The following ENOSF1 variants were observed in gnomAD, a reference collection of about 807,000 sequenced individuals.
The protein encoded by ENOSF1 is mitochondrial enolase superfamily member 1.
Under a neutral mutation model 68.2 loss-of-function variants are expected in ENOSF1, and 73 were observed. The observed-to-expected ratio is 1.07, with a 90% CI of 0.89 to 1.30. ENOSF1 has a LOEUF of 1.30. ENOSF1 is among the 50% of genes most tolerant of loss of function. The pLI, the probability that ENOSF1 is intolerant of heterozygous loss-of-function variation, is 0.00. For synonymous variants in ENOSF1, 223 were observed against 210.4 expected (o/e 1.06, Z -0.52); for missense variants, 589 against 554.5 (o/e 1.06, Z -0.62).
intron 1 of ENOSF1, among the ~76,000 whole-genome samples, chr18:709,441 TCA>T (rs1489823058): frequency 6.6e-6 from 1 of 151,874 alleles, no homozygotes; most frequent in Non-Finnish European, 1.5e-5. Flanking sequence ...CAAGGGCAAT[TCA>T]CAGAGAAGAA....
At chr18:690,712 C>CCCTGGAGAGTCCAGCTGTTTCA in intron 7 of ENOSF1, 81 bp from the exon 8 acceptor site, 2 of 1,588,108 alleles carry the variant, frequency 1.3e-6, no homozygotes, top group East Asian at 2.3e-5. Flanking sequence ...AAGCTGTTTC[C>CCCTGGAGAGTCCAGCTGTTTCA]CCTGGAGAGT....
intron 14 of ENOSF1, among the ~76,000 whole-genome samples, chr18:675,913 T>C (rs2075465260): frequency 6.6e-6 from 1 of 152,110 alleles, no homozygotes; most frequent in Admixed American, 6.5e-5. Flanking sequence ...CGGTACACTT[T>C]GTACCTGGAA....
At chr18:708,753 G>GGTAGCA (rs2079200348) in intron 1 of ENOSF1, among the ~76,000 whole-genome samples, 1 of 152,110 alleles carries the variant, frequency 6.6e-6, no homozygotes, top group South Asian at 2.1e-4. Flanking sequence ...TCTCAGGCAA[G>GGTAGCA]GTAGCAGCAG....
chr18:670,889 G>A lies in ENOSF1; in HGVS notation c.*3416C>T, dbSNP rs371259645. 138 of 1,612,696 alleles carry A rather than the reference G, an allele frequency of 8.6e-5. No individual in the cohort carries two copies. In the African/African-American group the frequency reaches 1.7e-3, roughly 19 times the overall value. ...GAAGGTGGGCTGTCTCGGGAAGGGTGACTTGCCAGCCTACCACACTGAGCT... is the reference window on the plus strand; with the variant it reads ...GAAGGTGGGCTGTCTCGGGAAGGGTAACTTGCCAGCCTACCACACTGAGCT... On this transcript the variant is annotated 3_prime_UTR_variant, in exon 16 of 16. Coordinates refer to ENST00000647584, the MANE Select transcript of ENOSF1 (RefSeq NM_017512.7).
At chr18:684,046 T>G (rs1178326667) in intron 10 of ENOSF1, among the ~76,000 whole-genome samples, 1 of 151,154 alleles carries the variant, frequency 6.6e-6, no homozygotes, top group Non-Finnish European at 1.5e-5. Context: ...AAGGCTGGAG[T>G]GCAGTGGCGC....
chr18:707,058 A>T (rs2079023468), intron 1 of ENOSF1, among the ~76,000 whole-genome samples: 1 of 152,100 alleles, frequency 6.6e-6, no homozygotes. Flanking sequence ...ACCTCAGGTG[A>T]TCCACCTGCC....
At chr18:696,559 G>A (rs760989433) in intron 3 of ENOSF1, among the ~76,000 whole-genome samples, 5 of 152,068 alleles carry the variant, frequency 3.3e-5, no homozygotes, top group Non-Finnish European at 7.4e-5. Context: ...TCTCCATAAA[G>A]AGATTGCCCA....
rs554550438 is a variant in ENOSF1 at position 692,757 on chromosome 18, G to A, written c.423+1125C>T. On this transcript the variant is annotated intron_variant, in intron 5 of 15. Coordinates refer to ENST00000647584, the MANE Select transcript of ENOSF1 (RefSeq NM_017512.7). Reference sequence around the variant, plus strand: ...TTTGGTGGCTACCTCCTCCATCCCCGTAAAACGCCAACCTTGAATCTAGAA... The same window carrying A: ...TTTGGTGGCTACCTCCTCCATCCCCATAAAACGCCAACCTTGAATCTAGAA... 2.5e-5 allele frequency: 25 copies of A among 996,210 alleles called. No individual in the cohort carries two copies. The East Asian group carries it at 5.3e-4, about 21-fold the overall frequency. The allele number at this position is 996,210 out of a possible 1,614,324, so 61.7% of individuals were successfully genotyped here.
At chr18:670,144 A>T (rs994722042), downstream of ENOSF1, among the ~76,000 whole-genome samples, 5 of 151,460 alleles carry the variant, frequency 3.3e-5, no homozygotes, top group African/African-American at 1.2e-4. Flanking sequence ...CCCAGGTTCA[A>T]GTGAGTTCCC....
intron 9 of ENOSF1, chr18:687,692 G>A (rs2076742958): frequency 2.0e-5 from 3 of 152,388 alleles, no homozygotes; most frequent in Admixed American, 2.0e-4. Context: ...AAGGTCTTAG[G>A]ATGGCCAGAG....
At position 694,183 on chromosome 18, in the gene ENOSF1, T is replaced by C. The variant is rs1026558217; in HGVS notation, c.396+65A>G. 6 of 1,476,300 alleles carry C rather than the reference T, an allele frequency of 4.1e-6. No individual in the cohort carries two copies. In the South Asian group the frequency reaches 5.8e-5, roughly 14 times the overall value. 91.5% of individuals were successfully genotyped at this position (1,476,300 alleles called of 1,614,324 possible). On this transcript the variant is annotated intron_variant, in intron 4 of 15. Transcript: ENST00000647584. ...CTGCAGTGTGTCTGTCTTTCCTCTG[T>C]GCGTAGGGAAAGTCAGTGTCGTACA...
At chr18:703,392 T>C (rs911167377) in intron 2 of ENOSF1, among the ~76,000 whole-genome samples, 1 of 151,932 alleles carries the variant, frequency 6.6e-6, no homozygotes. Context: ...CCTAACATTA[T>C]CTTGTAAGCT....
At chr18:691,322 T>G in intron 5 of ENOSF1, 46 bp from the exon 6 acceptor site, 1 of 1,489,362 alleles carries the variant, frequency 6.7e-7, no homozygotes, top group Non-Finnish European at 9.2e-7. Context: ...AATTATAAGG[T>G]GGGTTATATT....
intron 13 of ENOSF1, 103 bp downstream of exon 13, chr18:677,640 G>C: frequency 6.9e-7 from 1 of 1,458,700 alleles, no homozygotes; most frequent in Non-Finnish European, 9.2e-7. Flanking sequence ...AATCGAAATG[G>C]CAAACTACAG....
At chr18:696,435 C>CA (rs2077741277) in intron 3 of ENOSF1, among the ~76,000 whole-genome samples, 1 of 151,740 alleles carries the variant, frequency 6.6e-6, no homozygotes, top group Non-Finnish European at 1.5e-5. Context: ...ATGGTCTCGA[C>CA]CTCCTGACCT....
intron 9 of ENOSF1, chr18:687,305 A>G (rs1272921433): frequency 6.6e-6 from 1 of 152,200 alleles, no homozygotes; most frequent in Non-Finnish European, 1.5e-5. Flanking sequence ...CTCACTCCTC[A>G]AGCCTTTATT....
intron 5 of ENOSF1, chr18:692,929 T>A (rs1465520250): frequency 4.3e-6 from 5 of 1,168,228 alleles, no homozygotes; most frequent in Non-Finnish European, 5.3e-6. Flanking sequence ...CATGGTGTTC[T>A]TTGTTTTTCC....
chr18:690,973 C>T, intron 7 of ENOSF1, 95 bp downstream of exon 7: 1 of 1,404,848 alleles, frequency 7.1e-7, no homozygotes, highest in Non-Finnish European at 1.0e-6. Flanking sequence ...CAGCACAGGG[C>T]ATTTGGGAAG....
In ENOSF1 at chr18:670,610, G is replaced by T; in HGVS notation, c.*3695C>A. 2.0e-6 allele frequency: 3 copies of T among 1,505,572 alleles called. No individual in the cohort carries two copies. The highest frequency in any genetic ancestry group is 2.7e-6 in the Non-Finnish European group (3 of 1,103,204). The allele number at this position is 1,505,572 out of a possible 1,614,324, so 93.3% of individuals were successfully genotyped here. A position where few individuals can be genotyped will look rare whatever the true frequency, so the allele number is the denominator to read the frequency against. On this transcript the variant is annotated 3_prime_UTR_variant, in exon 16 of 16. Transcript: ENST00000647584. The stretch of plus-strand genomic sequence containing the variant: ...GTCTCCACCATATGAGTTGGCTTCT[G>T]TTTCTCTCCTGTTTTACTTTGCCTT...
Sources: allele counts gnomAD v4.1 joint callset (sites outside exome capture counted in the v4.1 genomes callset), GRCh38; gene constraint gnomAD v4.1.1; transcripts MANE v1.5; gene names NCBI Gene and HGNC (gene_info 2026-07-23, HGNC 2026-07-21).